The following PDGFD variants were observed in gnomAD, a reference collection of about 807,000 sequenced individuals.
The protein encoded by PDGFD is platelet-derived growth factor D.
Under a neutral mutation model 44.7 loss-of-function variants are expected in PDGFD, and 30 were observed. The observed-to-expected ratio is 0.67, with a 90% CI of 0.50 to 0.91. The LOEUF (loss-of-function observed/expected upper bound fraction) is 0.91, where lower values mean the gene tolerates loss of function less well. Ranked by LOEUF, PDGFD falls within the 40% of genes least tolerant of loss-of-function variation. The probability of loss-of-function intolerance (pLI) is 0.00; values close to 1 mark genes in which losing one functional copy is unlikely to be tolerated. For synonymous variants in PDGFD, 173 were observed against 168.4 expected (o/e 1.03, Z -0.21); for missense variants, 445 against 457.8 (o/e 0.97, Z 0.25).
chr11:103,937,633 A>T (rs1858512487), intron 5 of PDGFD, among the ~76,000 whole-genome samples: 1 of 151,672 alleles, frequency 6.6e-6, no homozygotes, highest in African/African-American at 2.4e-5. Context: ...TACATGTGCC[A>T]TGTTGGTGTG....
intron 1 of PDGFD, among the ~76,000 whole-genome samples, chr11:104,115,651 C>T (rs1861625832): frequency 6.6e-6 from 1 of 152,058 alleles, no homozygotes; most frequent in South Asian, 2.1e-4. Flanking sequence ...TACATTCCCA[C>T]TAGCAGTGTA....
rs1591083901 is a variant in PDGFD, at chr11:103,936,774, C to CTCACT, written c.772+6677_772+6678insAGTGA. Among the ~76,000 whole-genome samples, 3 of 151,880 alleles carry CTCACT rather than the reference C, an allele frequency of 2.0e-5. No homozygotes were observed. In the East Asian group the frequency reaches 5.8e-4, roughly 29 times the overall value. On this transcript the variant is annotated intron_variant, in intron 5 of 6. Transcript: ENST00000393158. ...TCATCATTTGGAACTAATTTAGTAT[C>CTCACT]AAGATGTTTACTGCACTCAATATTA...
At chr11:104,150,498 G>A (rs1198466807) in intron 1 of PDGFD, among the ~76,000 whole-genome samples, 3 of 152,210 alleles carry the variant, frequency 2.0e-5, no homozygotes, top group East Asian at 3.9e-4. Context: ...TCCTGTAGCG[G>A]CTGTAACAAA....
intron 3 of PDGFD, among the ~76,000 whole-genome samples, chr11:103,954,245 T>C (rs1858803336): frequency 6.6e-6 from 1 of 152,218 alleles, no homozygotes; most frequent in Non-Finnish European, 1.5e-5. Flanking sequence ...CACTCATTCA[T>C]TCAGCAGAGC....
chr11:104,114,884 T>A (rs1861610310), intron 1 of PDGFD, among the ~76,000 whole-genome samples: 1 of 149,882 alleles, frequency 6.7e-6, no homozygotes, highest in Non-Finnish European at 1.5e-5. Context: ...TTTAGGTTTT[T>A]TTTTTTGTTT....
chr11:104,132,151 C>T (rs1861933152), intron 1 of PDGFD, among the ~76,000 whole-genome samples: 1 of 152,032 alleles, frequency 6.6e-6, no homozygotes, highest in Non-Finnish European at 1.5e-5. Context: ...ATTCATATCA[C>T]TCATTCCAAG....
intron 1 of PDGFD, among the ~76,000 whole-genome samples, chr11:104,120,006 A>T (rs1861749410): frequency 6.9e-6 from 1 of 143,926 alleles, no homozygotes; most frequent in Non-Finnish European, 1.5e-5. Context: ...TTAATATATT[A>T]ATATTATCTA....
At chr11:104,005,297 A>G (rs1182665039) in intron 1 of PDGFD, among the ~76,000 whole-genome samples, 2 of 152,204 alleles carry the variant, frequency 1.3e-5, no homozygotes, top group Non-Finnish European at 2.9e-5. Flanking sequence ...CTGGTTCCAG[A>G]GTAGATGCTT....
At chr11:103,983,166 C>CTGG (rs1859299640) in intron 3 of PDGFD, among the ~76,000 whole-genome samples, 1 of 151,782 alleles carries the variant, frequency 6.6e-6, no homozygotes, top group East Asian at 1.9e-4. Flanking sequence ...TGACTTCAAA[C>CTGG]TATACTTACA....
intron 6 of PDGFD, among the ~76,000 whole-genome samples, chr11:103,910,789 G>A (rs1048379794): frequency 1.6e-5 from 2 of 127,136 alleles, no homozygotes; most frequent in Non-Finnish European, 3.5e-5. Context: ...TGGCTCAGTG[G>A]GTCCCACCCC....
chr11:104,095,191 T>C (rs1283953558), intron 1 of PDGFD, among the ~76,000 whole-genome samples: 2 of 152,256 alleles, frequency 1.3e-5, no homozygotes, highest in Admixed American at 6.6e-5. Flanking sequence ...TCTTCCCTTA[T>C]TGAAATATAT....
intron 1 of PDGFD, among the ~76,000 whole-genome samples, chr11:104,120,440 C>A (rs1436602854): frequency 6.6e-6 from 1 of 151,858 alleles, no homozygotes; most frequent in Non-Finnish European, 1.5e-5. Flanking sequence ...GTTTAAAAAT[C>A]TTTAGTGTGA....
At chr11:103,965,507 G>C (rs943526357) in intron 3 of PDGFD, among the ~76,000 whole-genome samples, 2 of 152,176 alleles carry the variant, frequency 1.3e-5, no homozygotes, top group Non-Finnish European at 2.9e-5. Flanking sequence ...ATTTGAATTA[G>C]ATGCAAAGTT....
At chr11:103,909,883 T>C in intron 6 of PDGFD, 64 bp from the exon 7 acceptor site, 1 of 1,592,756 alleles carries the variant, frequency 6.3e-7, no homozygotes. Flanking sequence ...AGATGCCACC[T>C]ACTTATTACC....
At chr11:103,978,604 C>T (rs1384744306) in intron 3 of PDGFD, among the ~76,000 whole-genome samples, 1 of 151,944 alleles carries the variant, frequency 6.6e-6, no homozygotes, top group Non-Finnish European at 1.5e-5. Context: ...CCATGTGAGT[C>T]ACTTACATTT....
chr11:104,093,516 T>G (rs77808305), intron 1 of PDGFD, among the ~76,000 whole-genome samples: 11 of 152,198 alleles, frequency 7.2e-5, no homozygotes, highest in Non-Finnish European at 1.5e-4. Flanking sequence ...AGAACTTCTC[T>G]TCCTTTATTG....
At chr11:104,084,786 A>AT (rs1269916573) in intron 1 of PDGFD, among the ~76,000 whole-genome samples, 2 of 146,474 alleles carry the variant, frequency 1.4e-5, no homozygotes, top group African/African-American at 4.9e-5. Context: ...TACATAAAAT[A>AT]ATATAAAATA....
chr11:104,024,159 G>T (rs1270424207), intron 1 of PDGFD, among the ~76,000 whole-genome samples: 5 of 151,978 alleles, frequency 3.3e-5, no homozygotes, highest in Non-Finnish European at 5.9e-5. Context: ...TTGGCATTGA[G>T]TATCGAAAAT....
At chr11:103,909,911 T>TCAAAGGGCTAAGAAC in intron 6 of PDGFD, 92 bp from the exon 7 acceptor site, 1 of 1,511,730 alleles carries the variant, frequency 6.6e-7, no homozygotes, top group Non-Finnish European at 9.1e-7. Context: ...CAACTAGTTC[T>TCAAAGGGCTAAGAAC]TAGCCCTTTG....
Sources: gnomAD v4.1 joint callset for allele counts (sites outside exome capture counted in the v4.1 genomes callset) on GRCh38, gnomAD v4.1.1 for gene constraint, MANE v1.5 for transcripts, NCBI Gene and HGNC (gene_info 2026-07-23, HGNC 2026-07-21) for gene names.